Variants in ADGRB3 observed in about 807,000 individuals in gnomAD.
ADGRB3 encodes the protein brain-specific angiogenesis inhibitor 3.
In ADGRB3, 37 loss-of-function variants were observed where a neutral mutation model predicts 193.4. The observed-to-expected ratio is 0.19, with a 90% CI of 0.15 to 0.25. ADGRB3 has a LOEUF of 0.25. ADGRB3 is among the 10% of genes least tolerant of loss of function. The pLI is 1.00. For synonymous variants in ADGRB3, 690 were observed against 644.2 expected, an observed-to-expected ratio of 1.07 and a Z score of -1.08; for missense variants, 1,637 against 1,852.9, an observed-to-expected ratio of 0.88 and a Z score of 2.14.
intron 3 of ADGRB3, among the ~76,000 whole-genome samples, chr6:68,703,653 C>T (rs1003310265): frequency 1.3e-5 from 2 of 152,118 alleles, no homozygotes; most frequent in African/African-American, 2.4e-5. Flanking sequence ...GACAGAGTCT[C>T]GCTCTGTTGC....
intron 3 of ADGRB3, among the ~76,000 whole-genome samples, chr6:68,832,311 CTGTT>C (rs1312450971): frequency 3.9e-5 from 6 of 152,034 alleles, no homozygotes; most frequent in Non-Finnish European, 8.8e-5. Context: ...TGATTTGTCT[CTGTT>C]TATTTAAAAA....
rs372870347 is a variant in ADGRB3, at chr6:69,023,219, C to A, written c.2107+4720C>A. 1.2e-3 allele frequency among the ~76,000 whole-genome samples: 186 copies of A among 152,212 alleles called. 1 individual carries two copies. Among genetic ancestry groups the A allele is most frequent in the African/African-American group, 4.4e-3 (183 of 41,568 alleles). On this transcript the variant is annotated intron_variant, in intron 13 of 31. Coordinates refer to ENST00000370598, the MANE Select transcript of ADGRB3 (RefSeq NM_001704.3). ...GTCATTAAAATAAATGTCTAATCTT[C>A]TAGCCTGCAAGAAAATTGCGGTCTA...
chr6:69,167,866 C>T (rs314215), intron 17 of ADGRB3, among the ~76,000 whole-genome samples: 45,336 of 151,928 alleles, frequency 0.3, 7,085 homozygotes, highest in Non-Finnish European at 0.34. Context: ...GGGACTTGCA[C>T]TGGGGTGGTT....
At chr6:68,897,337 G>A (rs1362755933) in intron 3 of ADGRB3, among the ~76,000 whole-genome samples, 1 of 150,454 alleles carries the variant, frequency 6.6e-6, no homozygotes, top group Admixed American at 6.7e-5. Context: ...TTCCAGCCTG[G>A]GCAACAGAGG....
chr6:69,187,375 A>G (rs1765092779), intron 17 of ADGRB3, among the ~76,000 whole-genome samples: 1 of 152,172 alleles, frequency 6.6e-6, no homozygotes, highest in African/African-American at 2.4e-5. Flanking sequence ...TTGTTCGTAT[A>G]AGACTTTCTG....
chr6:68,883,406 C>G (rs62416399), intron 3 of ADGRB3, among the ~76,000 whole-genome samples: 14,215 of 152,170 alleles, frequency 0.093, 874 homozygotes, highest in Non-Finnish European at 0.13. Context: ...GCACCAGCTG[C>G]GGCAATCAGG....
intron 13 of ADGRB3, among the ~76,000 whole-genome samples, chr6:69,044,222 C>T (rs532997929): frequency 6.0e-4 from 92 of 152,294 alleles, no homozygotes; most frequent in Middle Eastern, 3.4e-3. Flanking sequence ...CCAATTTGCT[C>T]ATCCCTACAG....
rs781711035 is a variant in ADGRB3, at chr6:69,018,442, A to G, written c.2050A>G (p.Ile684Val). The G allele has an allele frequency of 2.3e-5, 37 of 1,609,374 alleles. No individual in the cohort carries two copies. In the East Asian group the frequency reaches 2.9e-4, roughly 13 times the overall value. ...GCAGGTGATTGAAGATTTTATACAC[A>G]TTGTTGGAATGGGGATGATGGACTT... is the stretch of plus-strand genomic sequence containing the variant. ...LMQVIEDFIH[I>V]VGMGMMDFQN... The change falls in exon 13 of 32, where the codon ATT becomes GTT. Residue 684 changes from isoleucine to valine, a missense_variant. Around this residue, in one of 7 missense-constraint regions of ADGRB3, gnomAD observed 641 missense variants for 673.9 expected, o/e 0.95. Coordinates refer to ENST00000370598, the MANE Select transcript of ADGRB3 (RefSeq NM_001704.3).
chr6:69,126,325 C>T lies in ADGRB3; in HGVS notation c.2480+50287C>T, dbSNP rs377426189. 5.3e-5 allele frequency among the ~76,000 whole-genome samples: 8 copies of T among 152,026 alleles called. No homozygotes were observed. The East Asian group carries it at 5.8e-4, about 11-fold the overall frequency. ...GAGATTTGTTAGGGGAATTGGCTCA[C>T]ACAATAGTGGAGAGGTCTTGCAACA... is the stretch of plus-strand genomic sequence containing the variant. On this transcript the variant is annotated intron_variant, in intron 17 of 31. Transcript: ENST00000370598.
At chr6:69,265,478 C>T (rs1437612890) in intron 20 of ADGRB3, among the ~76,000 whole-genome samples, 2 of 151,902 alleles carry the variant, frequency 1.3e-5, no homozygotes, top group African/African-American at 4.8e-5. Flanking sequence ...TATGGGGAAG[C>T]TGCCCAACTT....
chr6:68,666,030 A>G (rs1041473190), intron 3 of ADGRB3, among the ~76,000 whole-genome samples: 4 of 151,862 alleles, frequency 2.6e-5, no homozygotes, highest in African/African-American at 9.7e-5. Flanking sequence ...TCCATTTGGA[A>G]TATATTCATG....
intron 3 of ADGRB3, among the ~76,000 whole-genome samples, chr6:68,780,050 G>T (rs1766824276): frequency 6.6e-6 from 1 of 152,054 alleles, no homozygotes; most frequent in Non-Finnish European, 1.5e-5. Flanking sequence ...GTGAAAACTG[G>T]TTGTTTTACA....
intron 17 of ADGRB3, among the ~76,000 whole-genome samples, chr6:69,127,959 C>A (rs1411489714): frequency 6.6e-6 from 1 of 151,130 alleles, no homozygotes; most frequent in Non-Finnish European, 1.5e-5. Context: ...AGGTCTCCTT[C>A]GTACATACCC....
intron 13 of ADGRB3, among the ~76,000 whole-genome samples, chr6:69,036,201 T>C (rs1770866595): frequency 6.6e-6 from 1 of 152,160 alleles, no homozygotes; most frequent in African/African-American, 2.4e-5. Flanking sequence ...AGAGAATGGT[T>C]AAAGTGAAGA....
intron 20 of ADGRB3, among the ~76,000 whole-genome samples, chr6:69,280,739 A>T (rs1297014191): frequency 2.6e-5 from 4 of 152,142 alleles, no homozygotes; most frequent in Non-Finnish European, 5.9e-5. Flanking sequence ...TGCCTGGCAC[A>T]CAATATGTAA....
chr6:69,260,092 T>C (rs1473909297), intron 20 of ADGRB3, among the ~76,000 whole-genome samples: 1 of 152,230 alleles, frequency 6.6e-6, no homozygotes, highest in Non-Finnish European at 1.5e-5. Context: ...TGCTCAGTTA[T>C]AGATTTTTAA....
intron 30 of ADGRB3, among the ~76,000 whole-genome samples, chr6:69,381,319 G>T (rs1769942195): frequency 6.6e-6 from 1 of 151,804 alleles, no homozygotes; most frequent in Non-Finnish European, 1.5e-5. Context: ...CTCTATAATT[G>T]CTTGCTATGT....
chr6:69,333,092 C>T (rs1315236029), intron 24 of ADGRB3, 84 bp downstream of exon 24: 10 of 1,433,512 alleles, frequency 7.0e-6, no homozygotes, highest in Non-Finnish European at 9.6e-6. Context: ...CTGCGTTTGA[C>T]TCTGCCTTGA....
chr6:69,137,414 A>G (rs184231035), intron 17 of ADGRB3, among the ~76,000 whole-genome samples: 177 of 152,044 alleles, frequency 1.2e-3, no homozygotes, highest in Admixed American at 3.0e-3. Context: ...TGCTGTGGCA[A>G]ATCAAACACA....
Sources: gnomAD v4.1 joint callset for allele counts (sites outside exome capture counted in the v4.1 genomes callset) on GRCh38, gnomAD v4.1.1 for gene constraint, gnomAD v4.1.1 regional missense constraint, MANE v1.5 for transcripts, NCBI Gene and HGNC (gene_info 2026-07-23, HGNC 2026-07-21) for gene names.